Variants in TAS2R1 observed in about 807,000 individuals in gnomAD.
TAS2R1 encodes taste receptor type 2 member 1.
For missense variants in TAS2R1, 370 were observed against 353.4 expected, an observed-to-expected ratio of 1.05 and a Z score of -0.38; for synonymous variants, 141 against 134.2, an observed-to-expected ratio of 1.05 and a Z score of -0.35.
At chr5:9,698,514 T>A (rs1266504065) in intron 1 of TAS2R1, among the ~76,000 whole-genome samples, 1 of 152,178 alleles carries the variant, frequency 6.6e-6, no homozygotes, top group African/African-American at 2.4e-5. Flanking sequence ...GTTGTCGTGT[T>A]TTATCTTGTT....
the TAS2R1 span, among the ~76,000 whole-genome samples, chr5:9,751,643 T>C: frequency 6.6e-6 from 1 of 152,224 alleles, no homozygotes; most frequent in Non-Finnish European, 1.5e-5. Context: ...TCAGTGACTC[T>C]ATATAAAGTA....
the TAS2R1 span, among the ~76,000 whole-genome samples, chr5:9,877,602 A>G: frequency 6.6e-6 from 1 of 152,240 alleles, no homozygotes; most frequent in Non-Finnish European, 1.5e-5. Flanking sequence ...ACTGTCTCCA[A>G]TATGCTGCTC....
the TAS2R1 span, among the ~76,000 whole-genome samples, chr5:9,769,758 T>C: frequency 6.6e-6 from 1 of 152,188 alleles, no homozygotes; most frequent in Non-Finnish European, 1.5e-5. Context: ...TTGAACTGGA[T>C]TGTTAGATTT....
intron 1 of TAS2R1, among the ~76,000 whole-genome samples, chr5:9,661,029 T>C (rs895513606): frequency 6.6e-6 from 1 of 152,210 alleles, no homozygotes; most frequent in African/African-American, 2.4e-5. Context: ...AACACAGCAC[T>C]GCCAACATCT....
the TAS2R1 span, among the ~76,000 whole-genome samples, chr5:9,893,633 A>G: frequency 6.6e-6 from 1 of 152,220 alleles, no homozygotes; most frequent in Non-Finnish European, 1.5e-5. Context: ...AAAGTGTATT[A>G]CAACAACGTA....
At chr5:9,748,450 G>A in the TAS2R1 span, among the ~76,000 whole-genome samples, 1 of 152,160 alleles carries the variant, frequency 6.6e-6, no homozygotes, top group East Asian at 1.9e-4. Context: ...CTGAGATGGG[G>A]TAGTTGATAA....
At chr5:9,883,551 A>G in the TAS2R1 span, among the ~76,000 whole-genome samples, 1 of 152,194 alleles carries the variant, frequency 6.6e-6, no homozygotes, top group Non-Finnish European at 1.5e-5. Flanking sequence ...CACCTGAGGA[A>G]TATATCACTA....
chr5:9,728,858 C>T, the TAS2R1 span, among the ~76,000 whole-genome samples: 381 of 152,266 alleles, frequency 2.5e-3, 3 homozygotes, highest in African/African-American at 8.4e-3. Context: ...CATGGCATCT[C>T]GATCTCAGCA....
At chr5:9,845,817 G>A in the TAS2R1 span, among the ~76,000 whole-genome samples, 29 of 152,258 alleles carry the variant, frequency 1.9e-4, no homozygotes, top group Non-Finnish European at 1.5e-5. Flanking sequence ...TTTACTGGTG[G>A]ACATAACGAT....
the TAS2R1 span, chr5:9,869,978 TTTG>T: frequency 6.6e-6 from 1 of 152,242 alleles, no homozygotes; most frequent in Non-Finnish European, 1.5e-5. Flanking sequence ...CTTTTATTTA[TTTG>T]TTGTTTTACC....
chr5:9,687,234 T>G (rs566906284), intron 1 of TAS2R1, among the ~76,000 whole-genome samples: 2 of 152,334 alleles, frequency 1.3e-5, no homozygotes, highest in East Asian at 3.9e-4. Context: ...CCTCCCAAAG[T>G]GCTGGGATTA....
intron 1 of TAS2R1, among the ~76,000 whole-genome samples, chr5:9,704,488 TC>T (rs1741560043): frequency 6.6e-6 from 1 of 152,120 alleles, no homozygotes; most frequent in African/African-American, 2.4e-5. Flanking sequence ...GTTAATACCC[TC>T]AAAGCACAGC....
At chr5:9,732,541 G>C in the TAS2R1 span, among the ~76,000 whole-genome samples, 1 of 152,198 alleles carries the variant, frequency 6.6e-6, no homozygotes, top group Non-Finnish European at 1.5e-5. Flanking sequence ...GGCATAGACA[G>C]GAGGCCAGGG....
chr5:9,871,382 T>C, the TAS2R1 span, among the ~76,000 whole-genome samples: 10 of 152,308 alleles, frequency 6.6e-5, no homozygotes, highest in East Asian at 1.2e-3. Context: ...CATATTTTCC[T>C]GTAGCCAATG....
At chr5:9,714,558 A>T (rs1169144525), upstream of TAS2R1, among the ~76,000 whole-genome samples, 1 of 152,258 alleles carries the variant, frequency 6.6e-6, no homozygotes, top group Non-Finnish European at 1.5e-5. Flanking sequence ...AAGGAGGTCC[A>T]TAAAATTCTC....
At chr5:9,838,499 A>C in the TAS2R1 span, among the ~76,000 whole-genome samples, 5 of 152,220 alleles carry the variant, frequency 3.3e-5, no homozygotes, top group Non-Finnish European at 5.9e-5. Context: ...AGAAAAAGCT[A>C]CAAAGCAGGT....
the TAS2R1 span, among the ~76,000 whole-genome samples, chr5:9,719,918 C>CAAAAAAAAAAAAAAAA: frequency 1.6e-5 from 1 of 64,324 alleles, no homozygotes; most frequent in African/African-American, 7.1e-5. Context: ...GATTCCGATT[C>CAAAAAAAAAAAAAAAA]AAAAAAAAAA....
the TAS2R1 span, among the ~76,000 whole-genome samples, chr5:9,797,659 G>C: frequency 8.5e-5 from 13 of 152,224 alleles, no homozygotes; most frequent in African/African-American, 3.1e-4. Flanking sequence ...CCAGGAATCA[G>C]GAAAAATTAG....
chr5:9,796,729 AAAAAAAAAAAGAAAAG>A, the TAS2R1 span, among the ~76,000 whole-genome samples: 159 of 149,222 alleles, frequency 1.1e-3, 2 homozygotes, highest in South Asian at 0.029. Context: ...TGGAAAAAAA[AAAAAAAAAAAGAAAAG>A]AAAAAAAAAA....
Sources: gnomAD v4.1 joint callset for allele counts (sites outside exome capture counted in the v4.1 genomes callset) on GRCh38, gnomAD v4.1.1 for gene constraint, MANE v1.5 for transcripts, NCBI Gene and HGNC (gene_info 2026-07-23, HGNC 2026-07-21) for gene names.